The following SNX15 variants were observed in gnomAD, a reference collection of about 807,000 sequenced individuals.
SNX15 encodes the protein sorting nexin-15.
Under a neutral mutation model 35.2 loss-of-function variants are expected in SNX15, and 29 were observed. The ratio of observed to expected loss-of-function variants is 0.82; its 90% CI spans 0.61 to 1.12. The LOEUF (loss-of-function observed/expected upper bound fraction) is 1.12. Ranked by LOEUF, SNX15 falls within the 50% of genes most tolerant of loss-of-function variation. SNX15 has a pLI of 0.00. For synonymous variants in SNX15, 189 were observed against 188.2 expected, an observed-to-expected ratio of 1.00 and a Z score of -0.03; for missense variants, 400 against 451.5, an observed-to-expected ratio of 0.89 and a Z score of 1.03.
chr11:65,034,925 C>T lies in SNX15; in HGVS notation c.335C>T (p.Ala112Val), dbSNP rs778608548. Residue 112 changes from alanine to valine, a missense_variant, in exon 4 of 8, where the codon GCG becomes GTG. Coordinates refer to ENST00000377244, the MANE Select transcript of SNX15 (RefSeq NM_013306.5). Reference protein sequence around the residue: ...DLLRFTVHIPALNNSPQLKEF... With the variant: ...DLLRFTVHIPVLNNSPQLKEF... ...CTTCGCTTCACTGTGCACATACCTG[C>T]GCTCAACAACAGCCCCCAGCTCAAG... 9 of 1,613,930 alleles carry T rather than the reference C, an allele frequency of 5.6e-6. No individual in the cohort carries two copies. Among genetic ancestry groups the T allele is most frequent in the African/African-American group, 5.3e-5 (4 of 74,900 alleles).
chr11:65,032,257 G>A (rs2276021), intron 2 of SNX15, 54 bp downstream of exon 2: 58,295 of 1,594,372 alleles, frequency 0.037, 1,371 homozygotes, highest in East Asian at 0.056. Flanking sequence ...TCTGGAAACT[G>A]TCAAGGGGCA....
At chr11:65,029,705 T>C (rs2136926130) in intron 1 of SNX15, among the ~76,000 whole-genome samples, 1 of 150,382 alleles carries the variant, frequency 6.6e-6, no homozygotes, top group South Asian at 2.1e-4. Context: ...GCCTCCTGAG[T>C]AGCTGGGATT....
At chr11:65,038,159 C>CT (rs1299800169) in intron 6 of SNX15, 1 of 599,646 alleles carries the variant, frequency 1.7e-6, no homozygotes, top group Non-Finnish European at 2.1e-6. Context: ...CTGAGATTCT[C>CT]TAAGTCTCCT....
At chr11:65,035,927 A>C in intron 6 of SNX15, 9 of 378,758 alleles carry the variant, frequency 2.4e-5, no homozygotes, top group East Asian at 8.1e-5. Flanking sequence ...GGGCCATCTC[A>C]CTGAGAAGGC....
chr11:65,039,664 G>T (rs2670910), intron 7 of SNX15, 22 bp from the exon 8 acceptor site: 1 of 1,579,110 alleles, frequency 6.3e-7, no homozygotes, highest in Non-Finnish European at 8.7e-7. Flanking sequence ...AGGTGCCTCA[G>T]CTGAGCATTC....
intron 6 of SNX15, chr11:65,036,453 C>T (rs1339345295): frequency 6.6e-6 from 1 of 152,282 alleles, no homozygotes; most frequent in African/African-American, 2.4e-5. Flanking sequence ...GGCGCAATCT[C>T]TGCTCACTGC....
chr11:65,038,743 C>A lies in SNX15; in HGVS notation c.836C>A (p.Ala279Asp). The change falls in exon 7 of 8, where the codon GCC (alanine) becomes GAC (aspartate). Residue 279 changes from alanine to aspartate, a missense_variant. Transcript: ENST00000377244. The part of the protein sequence containing the change: ...LSQATELITQ[A>D]LRDEKAGAYA... ...CAGGCCACAGAGCTCATCACCCAGGCCCTGCGGGATGAGAAGGCAGGCGCT... is the reference window on the plus strand; with the variant it reads ...CAGGCCACAGAGCTCATCACCCAGGACCTGCGGGATGAGAAGGCAGGCGCT... The A allele has an allele frequency of 6.2e-7, 1 of 1,603,158 alleles. No homozygotes were observed. The highest frequency in any genetic ancestry group is 8.5e-7 in the Non-Finnish European group (1 of 1,175,334).
At chr11:65,033,486 G>A (rs1946463941) in intron 3 of SNX15, among the ~76,000 whole-genome samples, 1 of 144,812 alleles carries the variant, frequency 6.9e-6, no homozygotes, top group Non-Finnish European at 1.5e-5. Context: ...AGAGGTTGCA[G>A]TGAGCCAAGA....
At chr11:65,038,980 T>TTTG (rs959691893) in intron 7 of SNX15, 151 bp downstream of exon 7, 109 of 494,464 alleles carry the variant, frequency 2.2e-4, no homozygotes, top group African/African-American at 1.6e-3. Flanking sequence ...TTTCTGTTTT[T>TTTG]TTGTTGTTGT....
intron 7 of SNX15, 92 bp from the exon 8 acceptor site, chr11:65,039,594 G>A: frequency 1.4e-6 from 1 of 719,316 alleles, no homozygotes. Flanking sequence ...AAAGCACATG[G>A]TGATGCTCTG....
rs369039653 is a variant in SNX15 at position 65,032,481 on chromosome 11, G to A, written c.186G>A (p.Leu62=). 6.2e-7 allele frequency: 1 copy of A among 1,614,160 alleles called. No individual in the cohort carries two copies. Among genetic ancestry groups the A allele is most frequent in the Non-Finnish European group, 8.5e-7 (1 of 1,180,026 alleles). The change falls in exon 3 of 8, where the codon CTG becomes CTA. Residue 62 remains leucine, a synonymous_variant. Transcript: ENST00000377244. The part of the protein sequence containing the change: ...YSDFRKLHGD[L]AYTHRNLFRR... Reference sequence around the variant, plus strand: ...ACTTCCGCAAGCTGCATGGAGACCTGGCCTACACCCACCGCAACCTCTTCC... The same window carrying A: ...ACTTCCGCAAGCTGCATGGAGACCTAGCCTACACCCACCGCAACCTCTTCC...
At chr11:65,028,176 G>A (rs1435393554) in intron 1 of SNX15, among the ~76,000 whole-genome samples, 1 of 152,086 alleles carries the variant, frequency 6.6e-6, no homozygotes, top group African/African-American at 2.4e-5. Flanking sequence ...TATATGAAGC[G>A]ATAACAACAT....
Position 65,034,882 on chromosome 11 carries a change from AAG to A in SNX15, c.293_294del (p.Lys98ArgfsTer54). ...AGCCTCAGTGATCGAGGAGCGGCGA[AAG>A]GGGGCAGAGGACCTGCTTCGCTTCA... ...FEASVIEERR[K>X]GAEDLLRFTV... On this transcript the variant is annotated frameshift_variant, in exon 4 of 8. Coordinates refer to ENST00000377244, the MANE Select transcript of SNX15 (RefSeq NM_013306.5). LOFTEE classifies it high-confidence loss of function. 6.2e-7 allele frequency: 1 copy of A among 1,614,026 alleles called. No homozygotes were observed. The highest frequency in any genetic ancestry group is 8.5e-7 in the Non-Finnish European group (1 of 1,179,952).
chr11:65,032,323 G>T lies in SNX15; in HGVS notation c.136-108G>T, dbSNP rs991342367. The T allele has an allele frequency of 3.2e-6, 5 of 1,583,936 alleles. No individual in the cohort carries two copies. In the African/African-American group the frequency reaches 5.4e-5, roughly 17 times the overall value. On this transcript the variant is annotated intron_variant, in intron 2 of 7. Coordinates refer to ENST00000377244, the MANE Select transcript of SNX15 (RefSeq NM_013306.5). The stretch of plus-strand genomic sequence containing the variant: ...CTTCCTCCCTGTCCCTGGGCGAGGG[G>T]CTGCTGCAGCTGCTTCCTGATCCTC...
chr11:65,030,468 C>G (rs1247266649), intron 1 of SNX15, among the ~76,000 whole-genome samples: 1 of 149,342 alleles, frequency 6.7e-6, no homozygotes, highest in East Asian at 1.9e-4. Context: ...GTTAGGATTA[C>G]AGGCCACCAT....
chr11:65,032,546 T>G lies in SNX15; in HGVS notation c.251T>G (p.Val84Gly), dbSNP rs2136931213. 6.2e-7 allele frequency: 1 copy of G among 1,614,030 alleles called. No individual in the cohort carries two copies. Among genetic ancestry groups the G allele is most frequent in the Non-Finnish European group, 8.5e-7 (1 of 1,180,014 alleles). Residue 84 changes from valine to glycine, a missense_variant, in exon 3 of 8, where the codon GTG (valine) becomes GGG (glycine). Coordinates refer to ENST00000377244, the MANE Select transcript of SNX15 (RefSeq NM_013306.5). ...TTCCCTGCTTTCCCCCGGGCCCAGG[T>G]GTTTGGTGAGTGTTAGATTGGGGCA... is the stretch of plus-strand genomic sequence containing the variant. ...EEFPAFPRAQ[V>G]FGRFEASVIE...
In SNX15 at chr11:65,039,704, G is replaced by A. The variant is rs771028037; in HGVS notation, c.941G>A (p.Arg314His). The A allele has an allele frequency of 4.2e-5, 68 of 1,613,170 alleles. No homozygotes were observed. Among genetic ancestry groups the A allele is most frequent in the Middle Eastern group, 3.3e-4 (2 of 6,062 alleles). ...QGVPSDPLPA[R>H]QEGVKKKAAE... The stretch of plus-strand genomic sequence containing the variant: ...TCCACAGGTGACCCGTTGCCTGCCC[G>A]CCAGGAAGGTGTGAAGAAGAAGGCA... The change falls in exon 8 of 8, where the codon CGC (arginine) becomes CAC (histidine). Residue 314 changes from arginine (R) to histidine (H), a missense_variant. Coordinates refer to ENST00000377244, the MANE Select transcript of SNX15 (RefSeq NM_013306.5).
At chr11:65,027,709 G>A (rs535408540) in intron 1 of SNX15, 73 bp downstream of exon 1, 2 of 1,106,632 alleles carry the variant, frequency 1.8e-6, no homozygotes, top group Non-Finnish European at 1.4e-6. Flanking sequence ...AGGAAAGGCG[G>A]TGCAGCCACT....
intron 6 of SNX15, chr11:65,038,154 A>G (rs1323828156): frequency 3.6e-6 from 2 of 554,018 alleles, no homozygotes; most frequent in Non-Finnish European, 4.6e-6. Context: ...AACCCCTGAG[A>G]TTCTCTAAGT....
Sources: allele counts gnomAD v4.1 joint callset (sites outside exome capture counted in the v4.1 genomes callset), GRCh38; gene constraint gnomAD v4.1.1; transcripts MANE v1.5; gene names NCBI Gene and HGNC (gene_info 2026-07-23, HGNC 2026-07-21).